The following ADARB2 variants were observed in gnomAD, a reference collection of about 807,000 sequenced individuals.
ADARB2 encodes inactive double-stranded RNA-specific editase B2.
ADARB2 carries 25 observed loss-of-function variants against 62.2 expected under a neutral mutation model. That is an observed-to-expected ratio of 0.40 (90% CI 0.29 to 0.56). The LOEUF is 0.56. ADARB2 is among the 20% of genes least tolerant of loss of function. The pLI, the probability that ADARB2 is intolerant of heterozygous loss-of-function variation, is 0.43. For synonymous variants in ADARB2, 572 were observed against 500.8 expected (o/e 1.14, Z -1.90); for missense variants, 1,071 against 1,077.4 (o/e 0.99, Z 0.08).
At chr10:1,235,094 A>C (rs1046716584) in intron 5 of ADARB2, among the ~76,000 whole-genome samples, 1 of 151,882 alleles carries the variant, frequency 6.6e-6, no homozygotes, top group Non-Finnish European at 1.5e-5. Flanking sequence ...CTGTTCGCCC[A>C]CATCTATCTG....
At chr10:1,189,371 A>G (rs1159895022) in intron 8 of ADARB2, among the ~76,000 whole-genome samples, 1 of 151,976 alleles carries the variant, frequency 6.6e-6, no homozygotes, top group Non-Finnish European at 1.5e-5. Context: ...CTGGCCGTGG[A>G]GAAGTGGGTT....
At chr10:1,417,031 C>G (rs1266242187) in intron 1 of ADARB2, among the ~76,000 whole-genome samples, 1 of 152,024 alleles carries the variant, frequency 6.6e-6, no homozygotes, top group African/African-American at 2.4e-5. Flanking sequence ...CAGTGTAGAC[C>G]AGATAGTCAG....
At chr10:1,657,305 T>C (rs1032641999) in intron 1 of ADARB2, among the ~76,000 whole-genome samples, 2 of 152,218 alleles carry the variant, frequency 1.3e-5, no homozygotes, top group Non-Finnish European at 2.9e-5. Flanking sequence ...TTCTAATTAA[T>C]GGCTTGCTCA....
chr10:1,268,848 C>T (rs957633544), intron 4 of ADARB2, among the ~76,000 whole-genome samples: 1 of 152,202 alleles, frequency 6.6e-6, no homozygotes, highest in Non-Finnish European at 1.5e-5. Flanking sequence ...ATTGCCTACA[C>T]ATAAAGCATT....
At chr10:1,543,255 G>C (rs545506126) in intron 1 of ADARB2, among the ~76,000 whole-genome samples, 1 of 152,352 alleles carries the variant, frequency 6.6e-6, no homozygotes, top group Non-Finnish European at 1.5e-5. Context: ...CATCTGGAGG[G>C]CTGCGCCAGG....
intron 3 of ADARB2, among the ~76,000 whole-genome samples, chr10:1,343,633 CCATT>C (rs773510301): frequency 1.3e-5 from 2 of 152,206 alleles, no homozygotes; most frequent in South Asian, 2.1e-4. Context: ...AAATGCCCAT[CCATT>C]GTGGACTGGA....
intron 3 of ADARB2, among the ~76,000 whole-genome samples, chr10:1,324,655 AT>A (rs1265038681): frequency 2.0e-5 from 3 of 152,238 alleles, no homozygotes; most frequent in Non-Finnish European, 2.9e-5. Context: ...GCATGATTGC[AT>A]TTATATAATA....
intron 1 of ADARB2, among the ~76,000 whole-genome samples, chr10:1,493,626 C>T (rs960615447): frequency 6.7e-5 from 10 of 150,022 alleles, no homozygotes; most frequent in African/African-American, 2.5e-4. Flanking sequence ...TTGTTCAGTG[C>T]TGAGAGGACC....
intron 8 of ADARB2, among the ~76,000 whole-genome samples, chr10:1,186,718 T>C (rs1836764359): frequency 6.6e-6 from 1 of 152,190 alleles, no homozygotes; most frequent in Admixed American, 6.5e-5. Context: ...GCCAGGGCAT[T>C]GCATATAGGC....
intron 1 of ADARB2, among the ~76,000 whole-genome samples, chr10:1,419,152 G>A (rs941199481): frequency 2.0e-5 from 3 of 152,096 alleles, no homozygotes; most frequent in Non-Finnish European, 4.4e-5. Context: ...GGAGCACAAT[G>A]GCATGATCTT....
chr10:1,472,128 C>T (rs984426661), intron 1 of ADARB2, among the ~76,000 whole-genome samples: 1 of 152,174 alleles, frequency 6.6e-6, no homozygotes. Context: ...GGACGTGGCA[C>T]CCACACGAGA....
At chr10:1,408,232 C>G (rs538329850) in intron 1 of ADARB2, among the ~76,000 whole-genome samples, 2 of 152,288 alleles carry the variant, frequency 1.3e-5, no homozygotes, top group Admixed American at 1.3e-4. Context: ...CTAAAATATT[C>G]TTTAAAACAC....
chr10:1,552,407 T>C (rs1263455484), intron 1 of ADARB2, among the ~76,000 whole-genome samples: 2 of 151,176 alleles, frequency 1.3e-5, no homozygotes, highest in Admixed American at 6.6e-5. Flanking sequence ...TGAAGAGAAG[T>C]GGGAGGCACA....
chr10:1,462,176 C>T (rs1384171106), intron 1 of ADARB2, among the ~76,000 whole-genome samples: 1 of 152,182 alleles, frequency 6.6e-6, no homozygotes, highest in Non-Finnish European at 1.5e-5. Context: ...CCCAGGCCCC[C>T]TGAGCACCCA....
intron 3 of ADARB2, among the ~76,000 whole-genome samples, chr10:1,304,057 C>G (rs1219539047): frequency 6.6e-6 from 1 of 151,052 alleles, no homozygotes; most frequent in Non-Finnish European, 1.5e-5. Flanking sequence ...ACTAAATGCT[C>G]CAATTAAAAG....
rs140483503 is a variant in ADARB2, at chr10:1,208,381, C to T, written c.1683-8234G>A. 7.0e-3 allele frequency among the ~76,000 whole-genome samples: 1,073 copies of T among 152,240 alleles called. 12 individuals carry two copies. Among genetic ancestry groups the T allele is most frequent in the African/African-American group, 0.024 (985 of 41,542 alleles). On this transcript the variant is annotated intron_variant, in intron 7 of 9. Coordinates refer to ENST00000381312, the MANE Select transcript of ADARB2 (RefSeq NM_018702.4). ...GGTGCGTGTGGCTGGTGCCACCCCC[C>T]GGGGTCCCTGTCCTCCAAGCACCCA...
rs548604265 is a variant in ADARB2, at chr10:1,316,734, C to G, written c.1078-45665G>C. Among the ~76,000 whole-genome samples, 5 of 152,350 alleles carry G rather than the reference C, an allele frequency of 3.3e-5. No individual in the cohort carries two copies. The East Asian group carries it at 9.6e-4, about 29-fold the overall frequency. On this transcript the variant is annotated intron_variant, in intron 3 of 9. Coordinates refer to ENST00000381312, the MANE Select transcript of ADARB2 (RefSeq NM_018702.4). ...CTGGCCTGGCTATAAAGTGACAAGG[C>G]TGCTTTCAAAGTCTTTATTTTGCAT...
At chr10:1,489,697 C>T (rs779208409) in intron 1 of ADARB2, among the ~76,000 whole-genome samples, 8 of 152,102 alleles carry the variant, frequency 5.3e-5, no homozygotes, top group African/African-American at 1.2e-4. Flanking sequence ...TTAGGTAAGA[C>T]GAACTCTGAA....
intron 4 of ADARB2, among the ~76,000 whole-genome samples, chr10:1,244,942 A>T (rs1239289426): frequency 3.3e-5 from 5 of 152,226 alleles, no homozygotes; most frequent in African/African-American, 9.6e-5. Context: ...CGAAGCTTCA[A>T]AGGTGGGTGG....
Sources: gnomAD v4.1 joint callset for allele counts (sites outside exome capture counted in the v4.1 genomes callset) on GRCh38, gnomAD v4.1.1 for gene constraint, MANE v1.5 for transcripts, NCBI Gene and HGNC (gene_info 2026-07-23, HGNC 2026-07-21) for gene names.